GTSE1: variants seen among roughly 807,000 people sequenced by gnomAD.
GTSE1 encodes the protein G2 and S phase-expressed protein 1.
Under a neutral mutation model 60.5 loss-of-function variants are expected in GTSE1, and 52 were observed. That is an observed-to-expected ratio of 0.86 (90% CI 0.69 to 1.08). The LOEUF is 1.08. Among genes scored for constraint, GTSE1 ranks in the 50% least tolerant of loss-of-function variants. GTSE1 has a pLI of 0.00. For synonymous variants in GTSE1, 368 were observed against 386.5 expected, an observed-to-expected ratio of 0.95 and a Z score of 0.56; for missense variants, 937 against 961.8, an observed-to-expected ratio of 0.97 and a Z score of 0.34.
At chr22:46,307,943 C>T (rs946361463) in intron 2 of GTSE1, among the ~76,000 whole-genome samples, 1 of 152,120 alleles carries the variant, frequency 6.6e-6, no homozygotes, top group Non-Finnish European at 1.5e-5. Flanking sequence ...GAGACTTCGT[C>T]ACTAGAAAAA....
intron 2 of GTSE1, among the ~76,000 whole-genome samples, chr22:46,300,272 A>G (rs1601897718): frequency 6.7e-6 from 1 of 150,088 alleles, no homozygotes; most frequent in African/African-American, 2.5e-5. Context: ...TAAGTTTTGT[A>G]TTTTCAGTAG....
At chr22:46,307,234 C>A (rs972078731) in intron 2 of GTSE1, among the ~76,000 whole-genome samples, 2 of 152,116 alleles carry the variant, frequency 1.3e-5, no homozygotes, top group African/African-American at 4.8e-5. Flanking sequence ...CAATGGCGGT[C>A]AACGAATTCT....
chr22:46,316,089 T>A lies in GTSE1; in HGVS notation c.1109T>A (p.Ile370Asn). 6.5e-7 allele frequency: 1 copy of A among 1,545,278 alleles called. No individual in the cohort carries two copies. Among genetic ancestry groups the A allele is most frequent in the Non-Finnish European group, 8.7e-7 (1 of 1,144,146 alleles). Residue 370 changes from isoleucine (I) to asparagine (N), a missense_variant, in exon 7 of 12, where the codon ATC becomes AAC. By Grantham distance (149) the Ile-to-Asn change is moderately radical. Transcript: ENST00000454366. The surrounding 1 kb of genome is among the most constrained non-coding windows in gnomAD (Gnocchi z 5.0). ...AATAGCTCCCGGCCTCTGTCAAACA[T>A]CAGCAAGTCAGGCAGAATGGGACCC... ...PANSSRPLSN[I>N]SKSGRMGPAM...
rs2077738683 is a variant in GTSE1, at chr22:46,309,870, T to C, written c.762+927T>C. On this transcript the variant is annotated intron_variant, in intron 4 of 11. Transcript: ENST00000454366. This position sits in a 1 kb window ranked among gnomAD's most constrained non-coding sequence, Gnocchi z 6.2. ...TACCGTGATGTTTCTAGAATGAGAG[T>C]GGGATGGGTCCTGCTGTGTGGAGCA... Among the ~76,000 whole-genome samples the C allele has an allele frequency of 6.6e-6, 1 of 151,992 alleles. No individual in the cohort carries two copies. Among genetic ancestry groups the C allele is most frequent in the South Asian group, 2.1e-4 (1 of 4,822 alleles).
intron 2 of GTSE1, among the ~76,000 whole-genome samples, chr22:46,301,867 G>A (rs371169239): frequency 3.3e-4 from 51 of 152,268 alleles, no homozygotes; most frequent in East Asian, 3.1e-3. Context: ...GGTGGCTTGC[G>A]CCTGTCATCC....
At position 46,310,594 on chromosome 22, in the gene GTSE1, G is replaced by A. The variant is rs1438545869; in HGVS notation, c.763-1547G>A. Among the ~76,000 whole-genome samples, 12 of 152,196 alleles carry A rather than the reference G, an allele frequency of 7.9e-5. No individual in the cohort carries two copies. The highest frequency in any genetic ancestry group is 2.2e-4 in the African/African-American group (9 of 41,452). On this transcript the variant is annotated intron_variant, in intron 4 of 11. Coordinates refer to ENST00000454366, the MANE Select transcript of GTSE1 (RefSeq NM_016426.7). This position sits in a 1 kb window ranked among gnomAD's most constrained non-coding sequence, Gnocchi z 4.4. ...ATCCAGCAAATGATGATTGGGTAAC[G>A]AAAATGCAGTCTATCCAAACAATGG...
At chr22:46,306,701 T>G (rs1436944533) in intron 2 of GTSE1, among the ~76,000 whole-genome samples, 1 of 151,674 alleles carries the variant, frequency 6.6e-6, no homozygotes, top group Non-Finnish European at 1.5e-5. Context: ...TTGGCCAGGC[T>G]GATCTCGAAC....
At chr22:46,298,798 T>G (rs1005417439) in intron 2 of GTSE1, among the ~76,000 whole-genome samples, 1 of 152,216 alleles carries the variant, frequency 6.6e-6, no homozygotes, top group African/African-American at 2.4e-5. Context: ...CCTTCCCCAC[T>G]TCCGTTGACC....
rs555350404 is a variant in GTSE1, at chr22:46,326,159, A to G, written c.1506-277A>G. ...ATGGTAGCATCCGTAAAGTGTAATCACATTTGATCAATTTTCTTTTGAGTT... is the reference window on the plus strand; with the variant it reads ...ATGGTAGCATCCGTAAAGTGTAATCGCATTTGATCAATTTTCTTTTGAGTT... On this transcript the variant is annotated intron_variant, in intron 8 of 11. Coordinates refer to ENST00000454366, the MANE Select transcript of GTSE1 (RefSeq NM_016426.7). 3.3e-5 allele frequency among the ~76,000 whole-genome samples: 5 copies of G among 152,390 alleles called. No homozygotes were observed. The East Asian group carries it at 9.6e-4, about 29-fold the overall frequency.
intron 8 of GTSE1, among the ~76,000 whole-genome samples, chr22:46,325,129 C>T (rs112392111): frequency 6.6e-6 from 1 of 152,160 alleles, no homozygotes; most frequent in Admixed American, 6.5e-5. Context: ...GCCTGTTTCC[C>T]GATTCACAGC....
rs139404477 is a variant in GTSE1, at chr22:46,309,706, G to T, written c.762+763G>T. On this transcript the variant is annotated intron_variant, in intron 4 of 11. Transcript: ENST00000454366. The surrounding 1 kb of genome is among the most constrained non-coding windows in gnomAD (Gnocchi z 6.2). ...AGCCACATGACTCCCTGTGGTGAGA[G>T]CCAAGGATGGAAGGCAGCCGAGGTG... is the stretch of plus-strand genomic sequence containing the variant. Among the ~76,000 whole-genome samples the T allele has an allele frequency of 4.7e-4, 71 of 152,332 alleles. No individual in the cohort carries two copies. The highest frequency in any genetic ancestry group is 1.6e-3 in the African/African-American group (66 of 41,570).
rs778162330 is a variant in GTSE1 at position 46,328,747 on chromosome 22, C to T, written c.1784C>T (p.Pro595Leu). Residue 595 changes from proline to leucine, a missense_variant, in exon 10 of 12, where the codon CCT becomes CTT. Pro to Leu is a moderately conservative substitution (Grantham distance 98). Transcript: ENST00000454366. Reference sequence around the variant, plus strand: ...GATTCCAGGCTGGTGGATGTGTCCCCTGACAGGGGTTCTCCTCCTTCCCGT... The same window carrying T: ...GATTCCAGGCTGGTGGATGTGTCCCTTGACAGGGGTTCTCCTCCTTCCCGT... ...KTDSRLVDVS[P>L]DRGSPPSRVP... 1.9e-6 allele frequency: 3 copies of T among 1,613,958 alleles called. No homozygotes were observed. The highest frequency in any genetic ancestry group is 2.2e-5 in the South Asian group (2 of 91,080).
In GTSE1 at chr22:46,326,663, C is replaced by G. The variant is rs6008700; in HGVS notation, c.1724+9C>G. On this transcript the variant is annotated intron_variant, in intron 9 of 11. Transcript: ENST00000454366. ...AAGAACTCTGCAATGAGGTAAGACA[C>G]GAAGGTGGTAATAAATTGGTCTCAA... The G allele has an allele frequency of 6.3e-7, 1 of 1,575,100 alleles. No homozygotes were observed. Among genetic ancestry groups the G allele is most frequent in the Non-Finnish European group, 8.7e-7 (1 of 1,153,454 alleles).
chr22:46,330,707 T>TA lies in GTSE1; in HGVS notation c.*578dup, dbSNP rs1240542658. 6.6e-6 allele frequency: 1 copy of TA among 152,502 alleles called. No individual in the cohort carries two copies. Among genetic ancestry groups the TA allele is most frequent in the Non-Finnish European group, 1.5e-5 (1 of 68,032 alleles). The allele number at this position is 152,502 out of a possible 1,614,324, so 9.4% of individuals were successfully genotyped here. A position where few individuals can be genotyped will look rare whatever the true frequency, so the allele number is the denominator to read the frequency against. On this transcript the variant is annotated 3_prime_UTR_variant, in exon 12 of 12. Coordinates refer to ENST00000454366, the MANE Select transcript of GTSE1 (RefSeq NM_016426.7). This position sits in a 1 kb window ranked among gnomAD's most constrained non-coding sequence, Gnocchi z 6.0. ...GAAGAATTTTCTTTTGAATGTTTTG[T>TA]ATGTAAAATAGCAAGTGGCTATTTT...
chr22:46,326,457 G>A lies in GTSE1; in HGVS notation c.1527G>A (p.Pro509=), dbSNP rs765393184. Residue 509 remains proline, a synonymous_variant, in exon 9 of 12, where the codon CCG becomes CCA. Transcript: ENST00000454366. ...SVGRVTVHST[P]VRRSSGPAPQ... is the part of the protein sequence containing the mutation. Reference sequence around the variant, plus strand: ...CCAGGGTCACTGTCCACAGCACCCCGGTTAGACGCTCATCTGGGCCAGCAC... The same window carrying A: ...CCAGGGTCACTGTCCACAGCACCCCAGTTAGACGCTCATCTGGGCCAGCAC... The A allele has an allele frequency of 6.3e-5, 101 of 1,608,250 alleles. No individual in the cohort carries two copies. Among genetic ancestry groups the A allele is most frequent in the Middle Eastern group, 4.9e-4 (3 of 6,062 alleles).
intron 2 of GTSE1, among the ~76,000 whole-genome samples, chr22:46,302,187 C>A (rs2077693488): frequency 6.6e-6 from 1 of 151,992 alleles, no homozygotes. Flanking sequence ...TGAACTTTAT[C>A]TGTTTGTATC....
intron 9 of GTSE1, among the ~76,000 whole-genome samples, chr22:46,328,286 G>A (rs1030670926): frequency 6.6e-6 from 1 of 152,222 alleles, no homozygotes; most frequent in Non-Finnish European, 1.5e-5. Flanking sequence ...TGGGGCAGAA[G>A]GAGCCAGCTG....
At chr22:46,306,844 T>C (rs964691450) in intron 2 of GTSE1, among the ~76,000 whole-genome samples, 5 of 152,234 alleles carry the variant, frequency 3.3e-5, no homozygotes, top group African/African-American at 1.2e-4. Context: ...CTTTACAGTA[T>C]TGAGCAAATA....
In GTSE1 at chr22:46,312,255, G is replaced by T. The variant is rs35503220; in HGVS notation, c.877G>T (p.Ala293Ser). Residue 293 changes from alanine to serine, a missense_variant, in exon 5 of 12, where the codon GCC becomes TCC. Ala to Ser is a moderately conservative substitution (Grantham distance 99, BLOSUM62 1). Coordinates refer to ENST00000454366, the MANE Select transcript of GTSE1 (RefSeq NM_016426.7). The part of the protein sequence containing the change: ...PAPGAVNVPA[A>S]GSHLGQGKRA... ...CCCGGGTGCTGTCAATGTGCCGGCC[G>T]CCGGAAGCCACTTGGGCCAGGGCAA... The T allele has an allele frequency of 3.1e-6, 5 of 1,613,908 alleles. No individual in the cohort carries two copies. In the South Asian group the frequency reaches 3.3e-5, roughly 11 times the overall value.
Sources: allele counts gnomAD v4.1 joint callset (sites outside exome capture counted in the v4.1 genomes callset), GRCh38; gene constraint gnomAD v4.1.1; non-coding constraint Gnocchi (gnomAD v3.1); transcripts MANE v1.5; gene names NCBI Gene and HGNC (gene_info 2026-07-23, HGNC 2026-07-21).